The following CELF2 variants were observed in gnomAD, a reference collection of about 807,000 sequenced individuals.
CELF2 encodes the protein CUGBP Elav-like family member 2.
A neutral mutation model predicts 62.6 loss-of-function variants in CELF2; 8 were observed. The observed-to-expected ratio is 0.13, with a 90% confidence interval of 0.07 to 0.23. The LOEUF (loss-of-function observed/expected upper bound fraction) is 0.23, where lower values mean the gene tolerates loss of function less well. Ranked by LOEUF, CELF2 falls within the 10% of genes least tolerant of loss-of-function variation. The pLI is 1.00. For synonymous variants in CELF2, 258 were observed against 250.0 expected, an observed-to-expected ratio of 1.03 and a Z score of -0.30; for missense variants, 333 against 671.0, an observed-to-expected ratio of 0.50 and a Z score of 5.56.
rs756918552 is a variant in CELF2, at chr10:11,018,079, C to A, written c.-11C>A. The A allele has an allele frequency of 1.4e-6, 2 of 1,456,320 alleles. No individual in the cohort carries two copies. The highest frequency in any genetic ancestry group is 3.2e-5 in the East Asian group (1 of 31,232). The allele number at this position is 1,456,320 out of a possible 1,614,324, so 90.2% of individuals were successfully genotyped here. ...CGCCCCCCGCCGCTGCCGCCGCGTGCGCCCGCGAACATGACTTCTGCCTTC... is the reference window on the plus strand; with the variant it reads ...CGCCCCCCGCCGCTGCCGCCGCGTGAGCCCGCGAACATGACTTCTGCCTTC... On this transcript the variant is annotated 5_prime_UTR_variant, in exon 1 of 13. Coordinates refer to ENST00000633077, the MANE Select transcript of CELF2 (RefSeq NM_001326342.2).
chr10:11,249,688 C>T (rs2076585340), intron 4 of CELF2, among the ~76,000 whole-genome samples: 1 of 152,118 alleles, frequency 6.6e-6, no homozygotes, highest in Non-Finnish European at 1.5e-5. Flanking sequence ...CTAAATTGCT[C>T]CAATGCATTT....
Position 11,309,969 on chromosome 10 carries a change from A to G in CELF2, c.977-4170A>G, listed in dbSNP as rs1040899935. Reference sequence around the variant, plus strand: ...GGGGCAGTGGCCTGCTTTTCTGTGAATGACACCTCTGGTCTACAGGAAGGG... The same window carrying G: ...GGGGCAGTGGCCTGCTTTTCTGTGAGTGACACCTCTGGTCTACAGGAAGGG... On this transcript the variant is annotated intron_variant, in intron 9 of 12. Transcript: ENST00000633077. This position sits in a 1 kb window ranked among gnomAD's most constrained non-coding sequence, Gnocchi z 5.6. 6.6e-6 allele frequency among the ~76,000 whole-genome samples: 1 copy of G among 152,186 alleles called. No individual in the cohort carries two copies. Among genetic ancestry groups the G allele is most frequent in the African/African-American group, 2.4e-5 (1 of 41,432 alleles).
the CELF2 span, among the ~76,000 whole-genome samples, chr10:10,625,913 CT>C: frequency 5.7e-3 from 828 of 145,434 alleles, 5 homozygotes; most frequent in African/African-American, 0.015. Context: ...TCATGTGATT[CT>C]TTTTTTTTTT....
chr10:10,937,180 G>A (rs148954457), intron 2 of CELF2, among the ~76,000 whole-genome samples: 2 of 138,236 alleles, frequency 1.4e-5, no homozygotes, highest in South Asian at 2.3e-4. Flanking sequence ...AGGCTGGAGC[G>A]CAGTGGTGCA....
At chr10:11,054,181 C>T (rs2064625938) in intron 1 of CELF2, among the ~76,000 whole-genome samples, 1 of 152,150 alleles carries the variant, frequency 6.6e-6, no homozygotes, top group Admixed American at 6.5e-5. Flanking sequence ...AATAAATGCT[C>T]TACGATTATT....
chr10:11,279,706 A>G (rs997759034), intron 8 of CELF2, among the ~76,000 whole-genome samples: 1 of 152,186 alleles, frequency 6.6e-6, no homozygotes, highest in Non-Finnish European at 1.5e-5. Flanking sequence ...TAAGGTGAAC[A>G]TTAAATTAAA....
intron 1 of CELF2, among the ~76,000 whole-genome samples, chr10:10,869,750 T>C (rs904645014): frequency 6.6e-6 from 1 of 152,206 alleles, no homozygotes; most frequent in Non-Finnish European, 1.5e-5. Flanking sequence ...TGCACCCCTC[T>C]GCCATGTTGC....
chr10:10,848,958 A>G (rs150867067), intron 1 of CELF2, among the ~76,000 whole-genome samples: 1,800 of 152,206 alleles, frequency 0.012, 25 homozygotes, highest in Middle Eastern at 0.051. Context: ...AAGGGGAAAA[A>G]AATCAGACAA....
At chr10:10,992,011 A>T (rs1446777949) in intron 2 of CELF2, among the ~76,000 whole-genome samples, 1 of 152,186 alleles carries the variant, frequency 6.6e-6, no homozygotes, top group Non-Finnish European at 1.5e-5. Context: ...CAGGTACCTT[A>T]ATAGGCATTG....
intron 2 of CELF2, among the ~76,000 whole-genome samples, chr10:11,189,305 T>TTC (rs1665942874): frequency 1.3e-5 from 2 of 152,236 alleles, no homozygotes; most frequent in African/African-American, 4.8e-5. Context: ...TATTTTTACA[T>TTC]TCTCTCTCTT....
chr10:10,868,436 G>A (rs1295626646), intron 1 of CELF2, among the ~76,000 whole-genome samples: 1 of 152,238 alleles, frequency 6.6e-6, no homozygotes, highest in Admixed American at 6.5e-5. Context: ...GCAGGAAGAA[G>A]CTTCCAAGCC....
At position 11,324,251 on chromosome 10, in the gene CELF2, G is replaced by A. The variant is rs371697086; in HGVS notation, c.1295-1585G>A. Among the ~76,000 whole-genome samples, 5 of 152,276 alleles carry A rather than the reference G, an allele frequency of 3.3e-5. No individual in the cohort carries two copies. Among genetic ancestry groups the A allele is most frequent in the African/African-American group, 1.2e-4 (5 of 41,546 alleles). On this transcript the variant is annotated intron_variant, in intron 11 of 12. Transcript: ENST00000633077. This position sits in a 1 kb window ranked among gnomAD's most constrained non-coding sequence, Gnocchi z 4.7. The stretch of plus-strand genomic sequence containing the variant: ...TGAGATGTACTTCACAGTTCAAACT[G>A]GGGCCCAATAACTCTCATTTGTGCA...
intron 4 of CELF2, among the ~76,000 whole-genome samples, chr10:11,252,070 A>T (rs1025757065): frequency 6.6e-6 from 1 of 152,232 alleles, no homozygotes; most frequent in African/African-American, 2.4e-5. Flanking sequence ...GCTGCTTTTA[A>T]ATGGCTTTTC....
the CELF2 span, among the ~76,000 whole-genome samples, chr10:10,571,354 A>C: frequency 6.6e-6 from 1 of 152,214 alleles, no homozygotes; most frequent in Non-Finnish European, 1.5e-5. Context: ...CACTGCAAGA[A>C]AGATATTGCT....
chr10:10,866,406 G>T (rs1343702590), intron 1 of CELF2, among the ~76,000 whole-genome samples: 1 of 151,826 alleles, frequency 6.6e-6, no homozygotes, highest in East Asian at 1.9e-4. Flanking sequence ...AGGAGTTTGA[G>T]ACCAGCCTGG....
chr10:11,201,234 G>T (rs188285259), intron 2 of CELF2, among the ~76,000 whole-genome samples: 3 of 152,190 alleles, frequency 2.0e-5, no homozygotes, highest in African/African-American at 7.2e-5. Context: ...CCTTGTGTGT[G>T]TTTTTTAATC....
chr10:11,188,276 T>C (rs1407989320), intron 2 of CELF2, among the ~76,000 whole-genome samples: 1 of 152,222 alleles, frequency 6.6e-6, no homozygotes, highest in African/African-American at 2.4e-5. Flanking sequence ...TGGCTAATTT[T>C]GTATTTTTAG....
intron 1 of CELF2, among the ~76,000 whole-genome samples, chr10:10,869,747 C>G (rs2060618087): frequency 6.6e-6 from 1 of 152,140 alleles, no homozygotes; most frequent in Non-Finnish European, 1.5e-5. Context: ...CTCTGCACCC[C>G]TCTGCCATGT....
intron 1 of CELF2, among the ~76,000 whole-genome samples, chr10:11,132,362 C>A (rs751303942): frequency 2.6e-5 from 4 of 152,046 alleles, no homozygotes; most frequent in Non-Finnish European, 5.9e-5. Context: ...TTCAGGAGAG[C>A]AAAAGCCTAG....
Sources: gnomAD v4.1 joint callset for allele counts (sites outside exome capture counted in the v4.1 genomes callset) on GRCh38, gnomAD v4.1.1 for gene constraint, Gnocchi (gnomAD v3.1) non-coding constraint, MANE v1.5 for transcripts, NCBI Gene and HGNC (gene_info 2026-07-23, HGNC 2026-07-21) for gene names.